Variants in THNSL1 observed in about 807,000 individuals in gnomAD.
THNSL1 encodes threonine synthase-like 1.
A neutral mutation model predicts 50.4 loss-of-function variants in THNSL1; 48 were observed. The observed-to-expected ratio is 0.95, with a 90% CI of 0.76 to 1.21. The LOEUF (loss-of-function observed/expected upper bound fraction) is 1.21, where lower values mean the gene tolerates loss of function less well. THNSL1 is among the 50% of genes most tolerant of loss of function. The pLI is 0.00. For missense variants in THNSL1, 896 were observed against 871.7 expected (o/e 1.03, Z -0.35); for synonymous variants, 309 against 306.1 (o/e 1.01, Z -0.10).
rs187623378 is a variant in THNSL1, at chr10:25,020,139, T to G, written c.-215-1603T>G. Among the ~76,000 whole-genome samples, 89 of 152,170 alleles carry G rather than the reference T, an allele frequency of 5.8e-4. 1 individual carries two copies. The highest frequency in any genetic ancestry group is 6.8e-3 in the Middle Eastern group (2 of 292). ...ATTGTTCTTTAGAAATAATATATAT[T>G]ATAGCACTTAACTGCCTTCTGCTAG... On this transcript the variant is annotated intron_variant, in intron 1 of 2. Coordinates refer to ENST00000376356, the MANE Select transcript of THNSL1 (RefSeq NM_024838.5).
At chr10:25,004,513 A>G in the THNSL1 span, among the ~76,000 whole-genome samples, 1 of 152,180 alleles carries the variant, frequency 6.6e-6, no homozygotes, top group Non-Finnish European at 1.5e-5. Flanking sequence ...TCTAATGATC[A>G]GTGATGTTAA....
the THNSL1 span, among the ~76,000 whole-genome samples, chr10:24,998,296 C>T: frequency 2.0e-5 from 3 of 148,654 alleles, no homozygotes; most frequent in African/African-American, 7.5e-5. Flanking sequence ...TTCTTTTCTT[C>T]TCTTCTCTTC....
At chr10:24,985,761 T>G in the THNSL1 span, among the ~76,000 whole-genome samples, 1 of 152,230 alleles carries the variant, frequency 6.6e-6, no homozygotes. Flanking sequence ...CACTTTTTAA[T>G]TATTCATTAT....
the THNSL1 span, among the ~76,000 whole-genome samples, chr10:24,992,703 T>C: frequency 6.7e-4 from 102 of 152,322 alleles, no homozygotes; most frequent in African/African-American, 2.4e-3. Flanking sequence ...ACTTTGTTGC[T>C]TTAAGTTACT....
chr10:24,955,369 A>T, the THNSL1 span, among the ~76,000 whole-genome samples: 1 of 152,212 alleles, frequency 6.6e-6, no homozygotes, highest in Non-Finnish European at 1.5e-5. Flanking sequence ...ATAGCTTTGG[A>T]CTAGGACCTC....
the THNSL1 span, chr10:24,984,382 G>GAAA: frequency 0.015 from 20,396 of 1,383,194 alleles, 72 homozygotes; most frequent in South Asian, 0.037. Context: ...ATGCGCTGCA[G>GAAA]AAAAAAAAAA....
chr10:24,987,423 G>A, the THNSL1 span, among the ~76,000 whole-genome samples: 7 of 151,976 alleles, frequency 4.6e-5, no homozygotes, highest in Admixed American at 1.3e-4. Flanking sequence ...GATTGCTTGA[G>A]GCCAGGAATT....
At chr10:24,962,575 G>A in the THNSL1 span, among the ~76,000 whole-genome samples, 1 of 152,198 alleles carries the variant, frequency 6.6e-6, no homozygotes, top group Admixed American at 6.5e-5. Context: ...CTAAGTGTCT[G>A]TAAAAAGGAT....
chr10:25,021,411 T>G (rs1850716032), intron 1 of THNSL1, among the ~76,000 whole-genome samples: 1 of 152,186 alleles, frequency 6.6e-6, no homozygotes, highest in African/African-American at 2.4e-5. Flanking sequence ...TCTGCTGACT[T>G]TTTCCCCTCT....
the THNSL1 span, among the ~76,000 whole-genome samples, chr10:25,008,194 G>C: frequency 6.6e-6 from 1 of 151,950 alleles, no homozygotes; most frequent in Non-Finnish European, 1.5e-5. Context: ...ATAATACTAA[G>C]AGACCATATA....
At chr10:24,985,233 T>TA in the THNSL1 span, among the ~76,000 whole-genome samples, 1 of 152,166 alleles carries the variant, frequency 6.6e-6, no homozygotes, top group South Asian at 2.1e-4. Context: ...AATGCATGGG[T>TA]AAAAAACAAC....
the THNSL1 span, among the ~76,000 whole-genome samples, chr10:25,000,297 C>A: frequency 6.6e-6 from 1 of 152,060 alleles, no homozygotes; most frequent in Non-Finnish European, 1.5e-5. Context: ...GTATGTTGTG[C>A]CGCTGTTGGC....
At position 25,024,907 on chromosome 10, in the gene THNSL1, C is replaced by G; in HGVS notation, c.1684C>G (p.Pro562Ala). 6.2e-7 allele frequency: 1 copy of G among 1,613,824 alleles called. No individual in the cohort carries two copies. Among genetic ancestry groups the G allele is most frequent in the Non-Finnish European group, 8.5e-7 (1 of 1,180,004 alleles). The change falls in exon 3 of 3, where the codon CCG (proline) becomes GCG (alanine). Residue 562 changes from proline (P) to alanine (A), a missense_variant. Physicochemically the swap from Pro to Ala is conservative, Grantham distance 27. Transcript: ENST00000376356. ...AAGAAAACTAGCACAAACCTTTTCACCGTCAATAGATATTCTCAAATCTTC... is the reference window on the plus strand; with the variant it reads ...AAGAAAACTAGCACAAACCTTTTCAGCGTCAATAGATATTCTCAAATCTTC... ...RERKLAQTFS[P>A]SIDILKSSNL...
the THNSL1 span, among the ~76,000 whole-genome samples, chr10:24,990,131 C>G: frequency 6.4e-3 from 975 of 152,148 alleles, 9 homozygotes; most frequent in African/African-American, 0.022. Flanking sequence ...TTCACAAACT[C>G]AGGGGCATAA....
At chr10:24,962,636 G>A in the THNSL1 span, among the ~76,000 whole-genome samples, 1 of 152,174 alleles carries the variant, frequency 6.6e-6, no homozygotes, top group Non-Finnish European at 1.5e-5. Context: ...ATGCAGAAGT[G>A]GGCATTGAAT....
chr10:24,967,989 T>C, the THNSL1 span, among the ~76,000 whole-genome samples: 1 of 138,800 alleles, frequency 7.2e-6, no homozygotes, highest in Non-Finnish European at 1.5e-5. Flanking sequence ...TGTATATATG[T>C]GTATGATGTG....
the THNSL1 span, among the ~76,000 whole-genome samples, chr10:24,986,797 G>C: frequency 6.6e-6 from 1 of 152,106 alleles, no homozygotes; most frequent in Non-Finnish European, 1.5e-5. Flanking sequence ...AATACGCTAC[G>C]TGCTGACTTT....
chr10:24,970,203 G>A, the THNSL1 span, among the ~76,000 whole-genome samples: 13 of 152,200 alleles, frequency 8.5e-5, no homozygotes, highest in Non-Finnish European at 1.6e-4. Context: ...TGGTAAGTAT[G>A]CACTCTTCTG....
rs201627934 is a variant in THNSL1, at chr10:25,025,487, A to T, written c.*32A>T. On this transcript the variant is annotated 3_prime_UTR_variant, in exon 3 of 3. Coordinates refer to ENST00000376356, the MANE Select transcript of THNSL1 (RefSeq NM_024838.5). Reference sequence around the variant, plus strand: ...TCAGAGTAAATTTTTTTTTCTAGCTATAAGCATGCAATAATAAATCTCAAA... The same window carrying T: ...TCAGAGTAAATTTTTTTTTCTAGCTTTAAGCATGCAATAATAAATCTCAAA... 18 of 1,558,380 alleles carry T rather than the reference A, an allele frequency of 1.2e-5. No individual in the cohort carries two copies. In the African/African-American group the frequency reaches 2.1e-4, roughly 18 times the overall value.
Sources: gnomAD v4.1 joint callset for allele counts (sites outside exome capture counted in the v4.1 genomes callset) on GRCh38, gnomAD v4.1.1 for gene constraint, MANE v1.5 for transcripts, NCBI Gene and HGNC (gene_info 2026-07-23, HGNC 2026-07-21) for gene names.